CTNND2: variants seen among roughly 807,000 people sequenced by gnomAD.
CTNND2 encodes the protein catenin delta-2.
A neutral mutation model predicts 144.4 loss-of-function variants in CTNND2; 22 were observed. The observed-to-expected ratio is 0.15, with a 90% CI of 0.11 to 0.22. CTNND2 has a LOEUF of 0.22. Among genes scored for constraint, CTNND2 ranks in the 10% least tolerant of loss-of-function variants. CTNND2 has a pLI of 1.00. For synonymous variants in CTNND2, 751 were observed against 695.6 expected (o/e 1.08, Z -1.25); for missense variants, 1,353 against 1,618.8 (o/e 0.84, Z 2.82).
chr5:11,559,231 A>G (rs1410279634), intron 3 of CTNND2, among the ~76,000 whole-genome samples: 1 of 152,162 alleles, frequency 6.6e-6, no homozygotes. Context: ...CCAGTTCTAC[A>G]TGCTCACAAG....
intron 7 of CTNND2, among the ~76,000 whole-genome samples, chr5:11,371,226 T>A (rs939874923): frequency 6.6e-6 from 1 of 152,258 alleles, no homozygotes; most frequent in African/African-American, 2.4e-5. Context: ...AGCTATTTTC[T>A]GGACTTTGAA....
chr5:11,393,995 T>C (rs1338805326), intron 6 of CTNND2, among the ~76,000 whole-genome samples: 2 of 152,098 alleles, frequency 1.3e-5, no homozygotes, highest in East Asian at 3.9e-4. Flanking sequence ...TCTGTCAGCA[T>C]GCCAGGCTGC....
intron 3 of CTNND2, among the ~76,000 whole-genome samples, chr5:11,450,216 C>G (rs922688917): frequency 6.6e-6 from 1 of 152,166 alleles, no homozygotes; most frequent in South Asian, 2.1e-4. Flanking sequence ...TTTCCTTGGG[C>G]TGCCCCACAT....
intron 10 of CTNND2, among the ~76,000 whole-genome samples, chr5:11,214,587 C>G (rs1021390286): frequency 7.2e-5 from 11 of 152,140 alleles, no homozygotes. Context: ...AAAAAACATA[C>G]GTAACCAATC....
chr5:11,899,604 A>G (rs1008857367), intron 1 of CTNND2, among the ~76,000 whole-genome samples: 1 of 152,198 alleles, frequency 6.6e-6, no homozygotes, highest in Non-Finnish European at 1.5e-5. Flanking sequence ...ATGGTAACCT[A>G]GATAACCTAT....
At position 11,837,106 on chromosome 5, in the gene CTNND2, G is replaced by A. The variant is rs1794227744; in HGVS notation, c.37+66711C>T. ...TGGTTCAACCACCACAATTCTCAGG[G>A]TGACCACTTCTCTAGCTCTGAAGTA... On this transcript the variant is annotated intron_variant, in intron 1 of 21. Transcript: ENST00000304623. Among the ~76,000 whole-genome samples the A allele has an allele frequency of 2.6e-5, 4 of 152,186 alleles. No individual in the cohort carries two copies. In the South Asian group the frequency reaches 8.3e-4, roughly 32 times the overall value.
chr5:11,652,218 G>A lies in CTNND2; in HGVS notation c.174+79918C>T, dbSNP rs866654373. On this transcript the variant is annotated intron_variant, in intron 2 of 21. Transcript: ENST00000304623. The stretch of plus-strand genomic sequence containing the variant: ...AGTGAGTGAGTTATCACGAGATCTG[G>A]TTGTTTAAAAGCGTGTAGCACCTCC... 2.6e-5 allele frequency among the ~76,000 whole-genome samples: 4 copies of A among 152,252 alleles called. 1 individual carries two copies. In the South Asian group the frequency reaches 8.3e-4, roughly 32 times the overall value.
chr5:11,494,682 T>G (rs752345982), intron 3 of CTNND2, among the ~76,000 whole-genome samples: 6 of 152,148 alleles, frequency 3.9e-5, no homozygotes, highest in Non-Finnish European at 5.9e-5. Context: ...ATACTTCTGA[T>G]AGGTTTCAGA....
chr5:11,900,622 G>T (rs1737779074), intron 1 of CTNND2, among the ~76,000 whole-genome samples: 1 of 152,190 alleles, frequency 6.6e-6, no homozygotes, highest in Non-Finnish European at 1.5e-5. Context: ...ATCATGAACT[G>T]TTCCTACTCA....
chr5:11,063,092 A>C (rs1747180989), intron 16 of CTNND2, among the ~76,000 whole-genome samples: 1 of 152,210 alleles, frequency 6.6e-6, no homozygotes, highest in African/African-American at 2.4e-5. Flanking sequence ...CCAATGAGAT[A>C]TTTAAACATC....
rs1473723361 is a variant in CTNND2 at position 11,411,670 on chromosome 5, A to G, written c.323-18T>C. 2.8e-6 allele frequency: 4 copies of G among 1,412,470 alleles called. No homozygotes were observed. Among genetic ancestry groups the G allele is most frequent in the Non-Finnish European group, 4.0e-6 (4 of 1,002,926 alleles). 87.5% of individuals were successfully genotyped at this position (1,412,470 alleles called of 1,614,324 possible). A position where few individuals can be genotyped will look rare whatever the true frequency, so the allele number is the denominator to read the frequency against. On this transcript the variant is annotated intron_variant, in intron 4 of 21. Coordinates refer to ENST00000304623, the MANE Select transcript of CTNND2 (RefSeq NM_001332.4). ...TTGACCATCTGAAATGAAATATTTTAAAGTGATGAACAAACACATGGTATA... is the reference window on the plus strand; with the variant it reads ...TTGACCATCTGAAATGAAATATTTTGAAGTGATGAACAAACACATGGTATA...
chr5:11,460,290 G>A (rs930305684), intron 3 of CTNND2, among the ~76,000 whole-genome samples: 1 of 152,130 alleles, frequency 6.6e-6, no homozygotes, highest in African/African-American at 2.4e-5. Context: ...AGAACAAAGA[G>A]AAAACAGATG....
Position 11,385,152 on chromosome 5 carries a change from G to A in CTNND2, c.690C>T (p.Phe230=). ...GGAAGGCGCTGCCCAGGCTGGGCGCGAACGGCTCCCGCGGCGGCGGCGGCG... is the reference window on the plus strand; with the variant it reads ...GGAAGGCGCTGCCCAGGCTGGGCGCAAACGGCTCCCGCGGCGGCGGCGGCG... The part of the protein sequence containing the change: ...PPPPPPPREP[F]APSLGSAFHL... The change falls in exon 7 of 22, where the codon TTC becomes TTT. Residue 230 remains phenylalanine (F), a synonymous_variant. Transcript: ENST00000304623. The A allele has an allele frequency of 9.9e-7, 1 of 1,006,890 alleles. No homozygotes were observed. The highest frequency in any genetic ancestry group is 4.5e-5 in the South Asian group (1 of 22,312). 62.4% of individuals were successfully genotyped at this position (1,006,890 alleles called of 1,614,324 possible).
chr5:11,013,724 A>C (rs2149527358), intron 18 of CTNND2, among the ~76,000 whole-genome samples: 1 of 152,368 alleles, frequency 6.6e-6, no homozygotes, highest in Non-Finnish European at 1.5e-5. Flanking sequence ...ATTTGGGAAG[A>C]AAATGACTGC....
intron 3 of CTNND2, among the ~76,000 whole-genome samples, chr5:11,535,492 G>A (rs1774129338): frequency 6.6e-6 from 1 of 151,998 alleles, no homozygotes; most frequent in Non-Finnish European, 1.5e-5. Flanking sequence ...TTCTGGCCTT[G>A]TTTTCTTTAC....
intron 11 of CTNND2, among the ~76,000 whole-genome samples, chr5:11,196,503 T>C (rs866255038): frequency 3.9e-5 from 6 of 152,196 alleles, no homozygotes; most frequent in African/African-American, 7.2e-5. Flanking sequence ...CACGGGAGAA[T>C]TGCAAAGGAA....
In CTNND2 at chr5:11,541,274, A is replaced by AT. The variant is rs773231982; in HGVS notation, c.287+23669dup. On this transcript the variant is annotated intron_variant, in intron 3 of 21. Coordinates refer to ENST00000304623, the MANE Select transcript of CTNND2 (RefSeq NM_001332.4). The stretch of plus-strand genomic sequence containing the variant: ...TCCTAGGCGATTCTAATATTATAGC[A>AT]TTTTCAGGAACCACTGGTGCAAAAC... Among the ~76,000 whole-genome samples the AT allele has an allele frequency of 1.1e-3, 172 of 152,272 alleles. 2 individuals are homozygous for AT. The highest frequency in any genetic ancestry group is 1.4e-3 in the Non-Finnish European group (92 of 68,022).
intron 2 of CTNND2, among the ~76,000 whole-genome samples, chr5:11,681,701 C>G (rs1167505262): frequency 6.6e-6 from 1 of 152,162 alleles, no homozygotes; most frequent in Non-Finnish European, 1.5e-5. Context: ...CAACGTAATT[C>G]CTACTGACCA....
intron 18 of CTNND2, among the ~76,000 whole-genome samples, chr5:11,017,109 TC>T (rs1305027077): frequency 6.6e-6 from 1 of 151,160 alleles, no homozygotes; most frequent in Non-Finnish European, 1.5e-5. Context: ...GAATTTAAAC[TC>T]CCATGCTTGC....
Sources: allele counts gnomAD v4.1 joint callset (sites outside exome capture counted in the v4.1 genomes callset), GRCh38; gene constraint gnomAD v4.1.1; transcripts MANE v1.5; gene names NCBI Gene and HGNC (gene_info 2026-07-23, HGNC 2026-07-21).